KCNIP1: variants seen among roughly 807,000 people sequenced by gnomAD.
KCNIP1 encodes the protein A-type potassium channel modulatory protein KCNIP1.
Under a neutral mutation model 33.0 loss-of-function variants are expected in KCNIP1, and 18 were observed. The observed-to-expected ratio is 0.55, with a 90% confidence interval of 0.38 to 0.81. The LOEUF is 0.81. Ranked by LOEUF, KCNIP1 falls within the 30% of genes least tolerant of loss-of-function variation. The pLI is 0.00. For synonymous variants in KCNIP1, 93 were observed against 98.3 expected, an observed-to-expected ratio of 0.95 and a Z score of 0.32; for missense variants, 238 against 271.6, an observed-to-expected ratio of 0.88 and a Z score of 0.87.
At chr5:170,664,523 C>A (rs1180626195) in intron 1 of KCNIP1, among the ~76,000 whole-genome samples, 2 of 152,156 alleles carry the variant, frequency 1.3e-5, no homozygotes, top group African/African-American at 4.8e-5. Flanking sequence ...GTTGCCCAGG[C>A]TGGTCTCGAA....
chr5:170,670,699 C>T (rs1761884908), intron 1 of KCNIP1, among the ~76,000 whole-genome samples: 1 of 152,094 alleles, frequency 6.6e-6, no homozygotes, highest in African/African-American at 2.4e-5. Context: ...TCAAGACCAC[C>T]CTGGGCAACA....
chr5:170,502,061 G>A (rs1040896269), upstream of KCNIP1, among the ~76,000 whole-genome samples: 9 of 152,222 alleles, frequency 5.9e-5, no homozygotes, highest in African/African-American at 2.2e-4. Flanking sequence ...AGGAGACCAC[G>A]ACAGAGGCCT....
intron 1 of KCNIP1, among the ~76,000 whole-genome samples, chr5:170,493,185 C>A (rs1421407322): frequency 1.3e-5 from 2 of 152,176 alleles, no homozygotes; most frequent in Non-Finnish European, 2.9e-5. Flanking sequence ...CTGTATCCCC[C>A]ACCAAATGCG....
intron 1 of KCNIP1, among the ~76,000 whole-genome samples, chr5:170,397,484 C>T (rs1471290713): frequency 2.0e-5 from 3 of 148,142 alleles, no homozygotes; most frequent in East Asian, 1.9e-4. Flanking sequence ...AGGGCTTGAG[C>T]ACATGGGGAC....
chr5:170,600,212 G>A (rs1445347131), intron 1 of KCNIP1, among the ~76,000 whole-genome samples: 9 of 151,728 alleles, frequency 5.9e-5, no homozygotes, highest in South Asian at 2.1e-4. Context: ...TCTTAATCCC[G>A]TACTTAAGTC....
intron 1 of KCNIP1, among the ~76,000 whole-genome samples, chr5:170,382,412 T>G (rs1183364565): frequency 6.6e-6 from 1 of 152,186 alleles, no homozygotes; most frequent in Non-Finnish European, 1.5e-5. Flanking sequence ...ACATTTTAAT[T>G]CCATATTGTG....
intron 1 of KCNIP1, among the ~76,000 whole-genome samples, chr5:170,393,861 T>C (rs1023006317): frequency 2.0e-5 from 3 of 152,188 alleles, no homozygotes; most frequent in African/African-American, 7.2e-5. Flanking sequence ...TGTAAGCACC[T>C]TGAAAATCCT....
chr5:170,720,244 G>T (rs1441992421), intron 2 of KCNIP1, 77 bp from the exon 3 acceptor site: 2 of 1,034,198 alleles, frequency 1.9e-6, no homozygotes, highest in African/African-American at 3.1e-5. Flanking sequence ...AGGAACCCCA[G>T]ACACCAAGGC....
chr5:170,533,329 GT>G (rs1298027160), intron 1 of KCNIP1, among the ~76,000 whole-genome samples: 1 of 152,198 alleles, frequency 6.6e-6, no homozygotes, highest in African/African-American at 2.4e-5. Context: ...TGCCAGCCAA[GT>G]TTAACAGGCA....
chr5:170,719,769 G>A (rs1039658256), intron 2 of KCNIP1, among the ~76,000 whole-genome samples: 2 of 152,166 alleles, frequency 1.3e-5, no homozygotes, highest in African/African-American at 4.8e-5. Flanking sequence ...CACATGCCAA[G>A]TGCCCAGTTT....
At chr5:170,647,204 A>G (rs1221186767) in intron 1 of KCNIP1, among the ~76,000 whole-genome samples, 2 of 152,188 alleles carry the variant, frequency 1.3e-5, no homozygotes, top group Non-Finnish European at 2.9e-5. Flanking sequence ...TATAGATTAA[A>G]TGCAATCCCA....
At chr5:170,665,862 C>A (rs1456538617) in intron 1 of KCNIP1, among the ~76,000 whole-genome samples, 1 of 152,186 alleles carries the variant, frequency 6.6e-6, no homozygotes, top group African/African-American at 2.4e-5. Flanking sequence ...GATGATTGCA[C>A]TGGGGTTTGG....
chr5:170,658,640 T>A (rs549309688), intron 1 of KCNIP1, among the ~76,000 whole-genome samples: 22 of 152,200 alleles, frequency 1.4e-4, no homozygotes, highest in South Asian at 6.2e-4. Flanking sequence ...CTGCCGGTGG[T>A]GGGCAGCTGA....
At chr5:170,656,304 C>T (rs1487524228) in intron 1 of KCNIP1, among the ~76,000 whole-genome samples, 6 of 152,216 alleles carry the variant, frequency 3.9e-5, no homozygotes, top group Non-Finnish European at 8.8e-5. Context: ...AATTTTAAGT[C>T]CTTGTGACAA....
chr5:170,520,175 A>G (rs1393299475), intron 1 of KCNIP1, among the ~76,000 whole-genome samples: 1 of 152,148 alleles, frequency 6.6e-6, no homozygotes, highest in Non-Finnish European at 1.5e-5. Flanking sequence ...ACTGCCCTTA[A>G]ATTATCTCAC....
At chr5:170,685,193 C>T (rs1762500663) in intron 1 of KCNIP1, among the ~76,000 whole-genome samples, 1 of 151,914 alleles carries the variant, frequency 6.6e-6, no homozygotes, top group Non-Finnish European at 1.5e-5. Context: ...CAAATACTTT[C>T]CATCCTCCAA....
At chr5:170,474,825 G>A (rs537384810) in intron 1 of KCNIP1, among the ~76,000 whole-genome samples, 8 of 152,266 alleles carry the variant, frequency 5.3e-5, no homozygotes, top group South Asian at 4.1e-4. Context: ...CCTCAAAGGT[G>A]GCAAGGACCC....
intron 1 of KCNIP1, among the ~76,000 whole-genome samples, chr5:170,404,342 T>C (rs1445988162): frequency 6.6e-6 from 1 of 152,216 alleles, no homozygotes; most frequent in Non-Finnish European, 1.5e-5. Flanking sequence ...ATGGTTTTTC[T>C]GTACATAGTT....
At chr5:170,642,980 A>C (rs1228924737) in intron 1 of KCNIP1, among the ~76,000 whole-genome samples, 2 of 152,188 alleles carry the variant, frequency 1.3e-5, no homozygotes, top group African/African-American at 4.8e-5. Context: ...TCACAATGGA[A>C]CCTGTGAGTG....
Sources: gnomAD v4.1 joint callset for allele counts (sites outside exome capture counted in the v4.1 genomes callset) on GRCh38, gnomAD v4.1.1 for gene constraint, MANE v1.5 for transcripts, NCBI Gene and HGNC (gene_info 2026-07-23, HGNC 2026-07-21) for gene names.